Variants in CACNA2D1 observed in about 807,000 individuals in gnomAD.
CACNA2D1 encodes calcium voltage-gated channel auxiliary subunit alpha2delta 1.
A neutral mutation model predicts 171.5 loss-of-function variants in CACNA2D1; 53 were observed. The ratio of observed to expected loss-of-function variants is 0.31; its 90% CI spans 0.25 to 0.39. The LOEUF (loss-of-function observed/expected upper bound fraction) is 0.39. CACNA2D1 is among the 10% of genes least tolerant of loss of function. The probability of loss-of-function intolerance (pLI) is 1.00; values close to 1 mark genes in which losing one functional copy is unlikely to be tolerated. For synonymous variants in CACNA2D1, 442 were observed against 443.1 expected (o/e 1.00, Z 0.03); for missense variants, 903 against 1,299.8 (o/e 0.69, Z 4.69).
intron 4 of CACNA2D1, among the ~76,000 whole-genome samples, chr7:82,158,738 T>C (rs1794628767): frequency 6.6e-6 from 1 of 151,940 alleles, no homozygotes; most frequent in Non-Finnish European, 1.5e-5. Flanking sequence ...GGCTGAAAGT[T>C]ACACAATGGA....
chr7:82,443,373 C>A lies in CACNA2D1; in HGVS notation c.87G>T (p.Ser29=). 1 of 1,603,198 alleles carries A rather than the reference C, an allele frequency of 6.2e-7. No homozygotes were observed. Among genetic ancestry groups the A allele is most frequent in the East Asian group, 2.3e-5 (1 of 44,100 alleles). Residue 29 remains serine (S), a synonymous_variant, in exon 1 of 39, where the codon TCG becomes TCT. Transcript: ENST00000356860. ...CCGGCCCGCCGACTTACGTGACGGCCGAAGGGAACGGCTCCTCCGACGAGG... is the reference window on the plus strand; with the variant it reads ...CCGGCCCGCCGACTTACGTGACGGCAGAAGGGAACGGCTCCTCCGACGAGG... ...IGPSSEEPFP[S]AVTIKSWVDK...
intron 3 of CACNA2D1, among the ~76,000 whole-genome samples, chr7:82,251,782 G>C (rs558925521): frequency 1.3e-5 from 2 of 152,246 alleles, no homozygotes; most frequent in Admixed American, 1.3e-4. Context: ...ATATCAAGTA[G>C]TCCATTAGTG....
intron 1 of CACNA2D1, among the ~76,000 whole-genome samples, chr7:82,427,474 C>T (rs78298570): frequency 6.6e-6 from 1 of 152,098 alleles, no homozygotes; most frequent in East Asian, 1.9e-4. Flanking sequence ...CAAGATGTTA[C>T]GAAGGTAGGT....
chr7:82,227,642 T>C (rs1205745396), intron 3 of CACNA2D1, among the ~76,000 whole-genome samples: 2 of 152,192 alleles, frequency 1.3e-5, no homozygotes, highest in Non-Finnish European at 2.9e-5. Context: ...AGAGAGTTAC[T>C]CTAGACTTGA....
chr7:82,416,702 T>C (rs1828206843), intron 1 of CACNA2D1, among the ~76,000 whole-genome samples: 1 of 152,230 alleles, frequency 6.6e-6, no homozygotes, highest in Admixed American at 6.5e-5. Flanking sequence ...CCCACCCTAC[T>C]CTAATATGAT....
At chr7:82,076,261 C>A (rs1250122678) in intron 7 of CACNA2D1, among the ~76,000 whole-genome samples, 1 of 152,074 alleles carries the variant, frequency 6.6e-6, no homozygotes, top group Non-Finnish European at 1.5e-5. Context: ...GTGTAAAATG[C>A]ATCCCCACAC....
intron 1 of CACNA2D1, among the ~76,000 whole-genome samples, chr7:82,403,319 T>C (rs930992541): frequency 3.3e-5 from 5 of 152,164 alleles, no homozygotes; most frequent in African/African-American, 1.2e-4. Context: ...TATCTTTGTA[T>C]TAGTTAGAAT....
At chr7:82,212,565 G>C (rs1800671910) in intron 3 of CACNA2D1, among the ~76,000 whole-genome samples, 1 of 152,156 alleles carries the variant, frequency 6.6e-6, no homozygotes, top group South Asian at 2.1e-4. Flanking sequence ...AATTCAGCCT[G>C]GGAATAAAAC....
intron 7 of CACNA2D1, among the ~76,000 whole-genome samples, chr7:82,078,119 C>T (rs921346497): frequency 2.0e-5 from 3 of 152,184 alleles, no homozygotes; most frequent in South Asian, 4.2e-4. Context: ...CAGAGGTCTA[C>T]TTTACATTAA....
At chr7:82,227,506 T>C (rs939123969) in intron 3 of CACNA2D1, among the ~76,000 whole-genome samples, 1 of 152,182 alleles carries the variant, frequency 6.6e-6, no homozygotes, top group East Asian at 1.9e-4. Flanking sequence ...TCTGAAAATA[T>C]GGACTTATCA....
chr7:82,341,826 T>C (rs1035163551), intron 2 of CACNA2D1, among the ~76,000 whole-genome samples: 2 of 151,680 alleles, frequency 1.3e-5, no homozygotes, highest in African/African-American at 4.8e-5. Flanking sequence ...GGTGGGCGGA[T>C]CACGAGGTCA....
At chr7:82,044,859 T>C (rs983208322) in intron 10 of CACNA2D1, among the ~76,000 whole-genome samples, 1 of 152,224 alleles carries the variant, frequency 6.6e-6, no homozygotes, top group Non-Finnish European at 1.5e-5. Flanking sequence ...ATGAAAATGA[T>C]TATTCTAAAA....
At chr7:82,390,723 G>C (rs933740327) in intron 1 of CACNA2D1, among the ~76,000 whole-genome samples, 3 of 152,016 alleles carry the variant, frequency 2.0e-5, no homozygotes, top group African/African-American at 7.3e-5. Context: ...TTTACCATTG[G>C]TTATGGAACA....
chr7:82,429,858 C>T (rs773971407), intron 1 of CACNA2D1, among the ~76,000 whole-genome samples: 2 of 152,144 alleles, frequency 1.3e-5, no homozygotes, highest in African/African-American at 4.8e-5. Flanking sequence ...CTTATATCGA[C>T]AGGAAAATCA....
At chr7:82,389,282 C>G (rs1442246197) in intron 1 of CACNA2D1, among the ~76,000 whole-genome samples, 1 of 150,960 alleles carries the variant, frequency 6.6e-6, no homozygotes, top group Non-Finnish European at 1.5e-5. Context: ...TCTTAATAGC[C>G]AGTTTTTTTT....
intron 1 of CACNA2D1, among the ~76,000 whole-genome samples, chr7:82,386,951 A>C (rs186012752): frequency 2.5e-4 from 38 of 152,048 alleles, no homozygotes; most frequent in African/African-American, 9.2e-4. Context: ...AATTACATCT[A>C]AGCAACAAGA....
At chr7:82,389,848 TG>T (rs1336309133) in intron 1 of CACNA2D1, among the ~76,000 whole-genome samples, 2 of 152,126 alleles carry the variant, frequency 1.3e-5, no homozygotes, top group Non-Finnish European at 2.9e-5. Flanking sequence ...TAGATGTAAT[TG>T]TTTTGAAGTT....
At chr7:82,284,092 G>A (rs1404083717) in intron 3 of CACNA2D1, among the ~76,000 whole-genome samples, 1 of 151,764 alleles carries the variant, frequency 6.6e-6, no homozygotes, top group Non-Finnish European at 1.5e-5. Flanking sequence ...ATACTAGAGA[G>A]GCTGAGGCAG....
chr7:82,109,937 T>G, intron 6 of CACNA2D1, among the ~76,000 whole-genome samples: 1 of 152,194 alleles, frequency 6.6e-6, no homozygotes, highest in East Asian at 1.9e-4. Flanking sequence ...CCATGATCCA[T>G]AGCTAAACCC....
Sources: gnomAD v4.1 joint callset for allele counts (sites outside exome capture counted in the v4.1 genomes callset) on GRCh38, gnomAD v4.1.1 for gene constraint, MANE v1.5 for transcripts, NCBI Gene and HGNC (gene_info 2026-07-23, HGNC 2026-07-21) for gene names.